Variants in KALRN observed in about 807,000 individuals in gnomAD.
KALRN encodes the protein kalirin.
Under a neutral mutation model 353.7 loss-of-function variants are expected in KALRN, and 70 were observed. The ratio of observed to expected loss-of-function variants is 0.20; its 90% confidence interval spans 0.16 to 0.24. The LOEUF (loss-of-function observed/expected upper bound fraction) is 0.24, where lower values mean the gene tolerates loss of function less well. Ranked by LOEUF, KALRN falls within the 10% of genes least tolerant of loss-of-function variation. The pLI, the probability that KALRN is intolerant of heterozygous loss-of-function variation, is 1.00. For missense variants in KALRN, 2,791 were observed against 3,756.7 expected, an observed-to-expected ratio of 0.74 and a Z score of 6.72; for synonymous variants, 1,391 against 1,434.8, an observed-to-expected ratio of 0.97 and a Z score of 0.69.
intron 33 of KALRN, among the ~76,000 whole-genome samples, chr3:124,518,035 G>A (rs1577670293): frequency 6.6e-6 from 1 of 152,114 alleles, no homozygotes; most frequent in Admixed American, 6.5e-5. Context: ...CCTGCTTATG[G>A]GTCTGGAACG....
intron 37 of KALRN, among the ~76,000 whole-genome samples, chr3:124,644,740 G>C (rs2082497057): frequency 6.6e-6 from 1 of 152,112 alleles, no homozygotes. Context: ...TGGGCATTTG[G>C]GTTGGTTCCA....
chr3:124,104,683 G>A (rs1336183572), intron 1 of KALRN, among the ~76,000 whole-genome samples: 1 of 152,192 alleles, frequency 6.6e-6, no homozygotes, highest in Non-Finnish European at 1.5e-5. Flanking sequence ...TATGGTTTAA[G>A]GAGAGACTCA....
intron 25 of KALRN, among the ~76,000 whole-genome samples, chr3:124,464,396 G>A (rs908054005): frequency 6.6e-6 from 1 of 152,140 alleles, no homozygotes; most frequent in Non-Finnish European, 1.5e-5. Flanking sequence ...CTCTTATTCT[G>A]CTGTCATGAT....
chr3:124,033,965 T>C lies in KALRN; in HGVS notation c.73+152T>C, dbSNP rs1417976819. Among the ~76,000 whole-genome samples, 5 of 151,478 alleles carry C rather than the reference T, an allele frequency of 3.3e-5. No individual in the cohort carries two copies. Among genetic ancestry groups the C allele is most frequent in the African/African-American group, 7.3e-5 (3 of 41,186 alleles). On this transcript the variant is annotated intron_variant, in intron 1 of 59. Transcript: ENST00000682506. This position sits in a 1 kb window ranked among gnomAD's most constrained non-coding sequence, Gnocchi z 6.2. Reference sequence around the variant, plus strand: ...GTCGGGGCTGGAGTTGCCGAGATTCTGGTTGTTATGGCAGTGCTGGCTGCG... The same window carrying C: ...GTCGGGGCTGGAGTTGCCGAGATTCCGGTTGTTATGGCAGTGCTGGCTGCG...
chr3:124,686,440 C>G (rs1578948244), intron 51 of KALRN, among the ~76,000 whole-genome samples: 1 of 152,252 alleles, frequency 6.6e-6, no homozygotes, highest in Non-Finnish European at 1.5e-5. Context: ...TGAGTGTGGT[C>G]ATTGATTCAC....
intron 33 of KALRN, among the ~76,000 whole-genome samples, chr3:124,498,337 A>G (rs1203699818): frequency 6.6e-6 from 1 of 152,156 alleles, no homozygotes; most frequent in Non-Finnish European, 1.5e-5. Flanking sequence ...CTACTTATGT[A>G]GTTTTTTGTT....
chr3:124,514,020 C>T (rs56356925), intron 33 of KALRN, among the ~76,000 whole-genome samples: 3,033 of 152,214 alleles, frequency 0.02, 103 homozygotes, highest in African/African-American at 0.068. Flanking sequence ...ATAAGAAGGT[C>T]GCAAAAATCA....
intron 1 of KALRN, among the ~76,000 whole-genome samples, chr3:124,156,756 GTGCCCAA>G (rs1378779086): frequency 6.6e-6 from 1 of 152,114 alleles, no homozygotes; most frequent in Non-Finnish European, 1.5e-5. Context: ...TGTTTTCCCT[GTGCCCAA>G]TGACAAAAGA....
At chr3:124,533,160 G>A (rs1294213699) in intron 33 of KALRN, among the ~76,000 whole-genome samples, 2 of 151,668 alleles carry the variant, frequency 1.3e-5, no homozygotes, top group Non-Finnish European at 2.9e-5. Flanking sequence ...AGGCCAAGGT[G>A]GTAGGATCAC....
At chr3:124,625,784 C>A (rs2079880842) in intron 34 of KALRN, among the ~76,000 whole-genome samples, 1 of 151,968 alleles carries the variant, frequency 6.6e-6, no homozygotes, top group Non-Finnish European at 1.5e-5. Context: ...GAATATTATT[C>A]AACAATTAAC....
intron 1 of KALRN, among the ~76,000 whole-genome samples, chr3:124,077,756 A>G (rs935106419): frequency 2.0e-5 from 3 of 152,186 alleles, no homozygotes; most frequent in Non-Finnish European, 4.4e-5. Flanking sequence ...GAACCTTGGC[A>G]TGCTCCTGCT....
At chr3:124,210,125 C>T (rs1279749244) in intron 1 of KALRN, among the ~76,000 whole-genome samples, 1 of 152,140 alleles carries the variant, frequency 6.6e-6, no homozygotes, top group Non-Finnish European at 1.5e-5. Flanking sequence ...CTCAGTTTTT[C>T]CTCTATAAAA....
At chr3:124,567,448 G>A (rs1464456282) in intron 34 of KALRN, among the ~76,000 whole-genome samples, 1 of 152,144 alleles carries the variant, frequency 6.6e-6, no homozygotes, top group Admixed American at 6.5e-5. Flanking sequence ...ATAAGTCTTG[G>A]TGTCATTCAT....
chr3:124,329,338 C>T (rs1308812854), intron 7 of KALRN, among the ~76,000 whole-genome samples: 1 of 152,194 alleles, frequency 6.6e-6, no homozygotes, highest in African/African-American at 2.4e-5. Flanking sequence ...CTGTTGAGGG[C>T]AGTTTCCGTC....
At chr3:124,534,788 A>ATT (rs5852408) in intron 33 of KALRN, among the ~76,000 whole-genome samples, 2 of 151,894 alleles carry the variant, frequency 1.3e-5, no homozygotes, top group Non-Finnish European at 2.9e-5. Flanking sequence ...GCCTGAAACA[A>ATT]TTTTTTTAAT....
intron 9 of KALRN, among the ~76,000 whole-genome samples, chr3:124,339,914 G>A (rs113228964): frequency 0.087 from 13,207 of 152,158 alleles, 1,878 homozygotes; most frequent in African/African-American, 0.3. Flanking sequence ...AGAACCAGGT[G>A]AGGAATCAGA....
chr3:124,325,154 A>G (rs2079753385), intron 6 of KALRN, among the ~76,000 whole-genome samples: 1 of 152,196 alleles, frequency 6.6e-6, no homozygotes, highest in Non-Finnish European at 1.5e-5. Flanking sequence ...TGAATTTTTA[A>G]TTAGCAAGTA....
intron 34 of KALRN, among the ~76,000 whole-genome samples, chr3:124,628,942 AGGCCAGAG>A (rs1363936422): frequency 6.6e-6 from 1 of 152,134 alleles, no homozygotes; most frequent in Non-Finnish European, 1.5e-5. Context: ...GGCTGCATGT[AGGCCAGAG>A]GGCCTCCCAG....
chr3:124,039,980 A>G (rs2039805110), intron 1 of KALRN, among the ~76,000 whole-genome samples: 2 of 152,136 alleles, frequency 1.3e-5, no homozygotes, highest in South Asian at 2.1e-4. Context: ...TTCTAATGCT[A>G]TATTTTTATA....
Sources: gnomAD v4.1 joint callset for allele counts (sites outside exome capture counted in the v4.1 genomes callset) on GRCh38, gnomAD v4.1.1 for gene constraint, Gnocchi (gnomAD v3.1) non-coding constraint, MANE v1.5 for transcripts, NCBI Gene and HGNC (gene_info 2026-07-23, HGNC 2026-07-21) for gene names.